Variants in EXOC8 observed in about 807,000 individuals in gnomAD.
EXOC8 encodes exocyst complex component 8, also known as exocyst complex 84 kDa subunit.
EXOC8 carries 19 observed loss-of-function variants against 50.8 expected under a neutral mutation model. The ratio of observed to expected loss-of-function variants is 0.37; its 90% confidence interval spans 0.26 to 0.55. EXOC8 has a LOEUF of 0.55. EXOC8 is among the 20% of genes least tolerant of loss of function. The probability of loss-of-function intolerance (pLI) is 0.80; values close to 1 mark genes in which losing one functional copy is unlikely to be tolerated. For missense variants in EXOC8, 781 were observed against 915.8 expected (o/e 0.85, Z 1.90); for synonymous variants, 384 against 367.9 (o/e 1.04, Z -0.50).
In EXOC8 at chr1:231,337,314, C is replaced by T; in HGVS notation, c.432G>A (p.Gly144=). Residue 144 remains glycine, a synonymous_variant, in exon 1 of 1, where the codon GGG becomes GGA. Transcript: ENST00000366645. The surrounding 1 kb of genome is among the most constrained non-coding windows in gnomAD (Gnocchi z 5.9). ...RGQAGFFSTP[G]GASRDGSGPG... is the part of the protein sequence containing the mutation. The stretch of plus-strand genomic sequence containing the variant: ...GACCGGAGCCGTCGCGGGAGGCACC[C>T]CCGGGGGTGGAGAAAAAGCCGGCCT... The T allele has an allele frequency of 6.2e-7, 1 of 1,603,278 alleles. No individual in the cohort carries two copies. The highest frequency in any genetic ancestry group is 8.5e-7 in the Non-Finnish European group (1 of 1,179,944).
rs1445045459 is a variant in EXOC8 at position 231,336,465 on chromosome 1, G to A, written c.1281C>T (p.Ala427=). 6.2e-7 allele frequency: 1 copy of A among 1,613,840 alleles called. No homozygotes were observed. The highest frequency in any genetic ancestry group is 1.3e-5 in the African/African-American group (1 of 75,048). The change falls in exon 1 of 1, where the codon GCC becomes GCT. Residue 427 remains alanine, a synonymous_variant. Coordinates refer to ENST00000366645, the MANE Select transcript of EXOC8 (RefSeq NM_175876.5). The surrounding 1 kb of genome is among the most constrained non-coding windows in gnomAD (Gnocchi z 5.4). ...QLIRLGQCTK[A]CELFLRNRAA... ...CCCTGTTTCTCAAAAATAGCTCACAGGCCTTCGTGCACTGGCCCAGCCGGA... is the reference window on the plus strand; with the variant it reads ...CCCTGTTTCTCAAAAATAGCTCACAAGCCTTCGTGCACTGGCCCAGCCGGA...
chr1:231,337,308 G>C lies in EXOC8; in HGVS notation c.438C>G (p.Ala146=). The C allele has an allele frequency of 1.9e-6, 3 of 1,603,516 alleles. No individual in the cohort carries two copies. Among genetic ancestry groups the C allele is most frequent in the Non-Finnish European group, 2.5e-6 (3 of 1,179,956 alleles). Residue 146 remains alanine, a synonymous_variant, in exon 1 of 1, where the codon GCC becomes GCG. Transcript: ENST00000366645. The surrounding 1 kb of genome is among the most constrained non-coding windows in gnomAD (Gnocchi z 5.9). ...QAGFFSTPGG[A]SRDGSGPGEE... The stretch of plus-strand genomic sequence containing the variant: ...CGCCTGGACCGGAGCCGTCGCGGGA[G>C]GCACCCCCGGGGGTGGAGAAAAAGC...
chr1:231,335,953 A>T lies in EXOC8; in HGVS notation c.1793T>A (p.Val598Glu). Residue 598 changes from valine (V) to glutamate (E), a missense_variant, in exon 1 of 1, where the codon GTA becomes GAA. Physicochemically the swap from Val to Glu is moderately radical, Grantham distance 121. Around this residue, in one of 3 missense-constraint regions of EXOC8, gnomAD observed 700 missense variants for 804.1 expected, o/e 0.87. Transcript: ENST00000366645. The part of the protein sequence containing the change: ...KLKEEMKSCG[V>E]SNFEQYTGDD... ...CCCTGTGTACTGCTCAAAGTTACTT[A>T]CCCCACAACTTTTCATCTCTTCTTT... is the stretch of plus-strand genomic sequence containing the variant. The T allele has an allele frequency of 6.2e-7, 1 of 1,614,134 alleles. No homozygotes were observed. The highest frequency in any genetic ancestry group is 1.1e-5 in the South Asian group (1 of 91,078).
chr1:231,336,791 C>G lies in EXOC8; in HGVS notation c.955G>C (p.Glu319Gln), dbSNP rs144793875. The G allele has an allele frequency of 3.0e-3, 4,895 of 1,613,874 alleles. 9 individuals carry two copies. Among genetic ancestry groups the G allele is most frequent in the Non-Finnish European group, 3.7e-3 (4,415 of 1,180,006 alleles). ...TCCTCTACCTCAGGAACAGCTGGTT[C>G]TTCTTCTTCGTCATCCTCAAATGGG... is the stretch of plus-strand genomic sequence containing the variant. Reference protein sequence around the residue: ...TNPFEDDEEEEPAVPEVEEEK... With the variant: ...TNPFEDDEEEQPAVPEVEEEK... The change falls in exon 1 of 1, where the codon GAA becomes CAA. Residue 319 changes from glutamate to glutamine, a missense_variant. Physicochemically the swap from Glu to Gln is conservative, Grantham distance 29. Transcript: ENST00000366645. The surrounding 1 kb of genome is among the most constrained non-coding windows in gnomAD (Gnocchi z 5.4).
In EXOC8 at chr1:231,336,053, C is replaced by T; in HGVS notation, c.1693G>A (p.Ala565Thr). The T allele has an allele frequency of 1.2e-6, 2 of 1,614,190 alleles. No homozygotes were observed. Among genetic ancestry groups the T allele is most frequent in the Non-Finnish European group, 1.7e-6 (2 of 1,180,042 alleles). ...LHSYKEIIIE[A>T]TKHRNSEEMW... is the part of the protein sequence containing the mutation. ...TCTTCAGAGTTGCGATGTTTAGTGGCTTCAATGATGATTTCTTTGTAACTG... is the reference window on the plus strand; with the variant it reads ...TCTTCAGAGTTGCGATGTTTAGTGGTTTCAATGATGATTTCTTTGTAACTG... The change falls in exon 1 of 1, where the codon GCC (alanine) becomes ACC (threonine). Residue 565 changes from alanine to threonine, a missense_variant. Physicochemically the swap from Ala to Thr is moderately conservative, Grantham distance 58. Transcript: ENST00000366645. This position sits in a 1 kb window ranked among gnomAD's most constrained non-coding sequence, Gnocchi z 5.4.
chr1:231,335,090 A>C lies in EXOC8; in HGVS notation c.*478T>G, dbSNP rs1686635677. On this transcript the variant is annotated 3_prime_UTR_variant, in exon 1 of 1. Coordinates refer to ENST00000366645, the MANE Select transcript of EXOC8 (RefSeq NM_175876.5). ...CCCCATCTCTACAAAAAATACAAAA[A>C]TTAGCTGGGTATGGTGGTGCCTGCC... is the stretch of plus-strand genomic sequence containing the variant. The C allele has an allele frequency of 6.6e-6, 1 of 152,470 alleles. No homozygotes were observed. Among genetic ancestry groups the C allele is most frequent in the Non-Finnish European group, 1.5e-5 (1 of 68,416 alleles). 9.4% of individuals were successfully genotyped at this position (152,470 alleles called of 1,614,324 possible).
rs1686645896 is a variant in EXOC8, at chr1:231,335,509, ATATAAATAATAT to A, written c.*47_*58del. 6 of 1,337,550 alleles carry A rather than the reference ATATAAATAATAT, an allele frequency of 4.5e-6. No homozygotes were observed. Among genetic ancestry groups the A allele is most frequent in the Non-Finnish European group, 5.8e-6 (6 of 1,032,110 alleles). The allele number at this position is 1,337,550 out of a possible 1,614,324, so 82.9% of individuals were successfully genotyped here. On this transcript the variant is annotated 3_prime_UTR_variant, in exon 1 of 1. Coordinates refer to ENST00000366645, the MANE Select transcript of EXOC8 (RefSeq NM_175876.5). Reference sequence around the variant, plus strand: ...AGTATGCTAATACAACTTAATATAAATATAAATAATATATAAGCTCTCTCTCTGCATATATAC... The same window carrying A: ...AGTATGCTAATACAACTTAATATAAAATAAGCTCTCTCTCTGCATATATAC...
In EXOC8 at chr1:231,337,213, G is replaced by A. The variant is rs780338684; in HGVS notation, c.533C>T (p.Thr178Met). The part of the protein sequence containing the change: ...KVEGCRHLLE[T>M]PGQYLVYNGD... ...ATTGTACACCAAGTACTGTCCCGGC[G>A]TCTCCAGCAGATGCCTGCAGCCTTC... The change falls in exon 1 of 1, where the codon ACG becomes ATG. Residue 178 changes from threonine (T) to methionine (M), a missense_variant. This residue lies in a region of EXOC8 where 700 missense variants were observed against 804.1 expected (regional missense o/e 0.87). Coordinates refer to ENST00000366645, the MANE Select transcript of EXOC8 (RefSeq NM_175876.5). This position sits in a 1 kb window ranked among gnomAD's most constrained non-coding sequence, Gnocchi z 5.9. The A allele has an allele frequency of 1.2e-6, 2 of 1,613,816 alleles. No homozygotes were observed. The highest frequency in any genetic ancestry group is 4.5e-5 in the East Asian group (2 of 44,874).
chr1:231,336,105 C>T lies in EXOC8; in HGVS notation c.1641G>A (p.Leu547=). 1.9e-6 allele frequency: 3 copies of T among 1,614,162 alleles called. No individual in the cohort carries two copies. The highest frequency in any genetic ancestry group is 2.5e-6 in the Non-Finnish European group (3 of 1,180,028). The change falls in exon 1 of 1, where the codon CTG becomes CTA. Residue 547 remains leucine (L), a synonymous_variant. Transcript: ENST00000366645. The surrounding 1 kb of genome is among the most constrained non-coding windows in gnomAD (Gnocchi z 5.4). ...LDLTFIIHAL[L]VKDIQGALHS... ...GCAAGGCCCCTTGGATGTCTTTCAC[C>T]AGAAGGGCATGGATGATGAAGGTGA... is the stretch of plus-strand genomic sequence containing the variant.
Position 231,335,778 on chromosome 1 carries a change from C to A in EXOC8, c.1968G>T (p.Gln656His). ...SLVEIILVAVQHVDYSLRCEQ... is the reference protein window; with the variant it reads ...SLVEIILVAVHHVDYSLRCEQ... ...CACATCGAAGACTATAATCCACATGCTGAACAGCAACCAAAATGATTTCCA... is the reference window on the plus strand; with the variant it reads ...CACATCGAAGACTATAATCCACATGATGAACAGCAACCAAAATGATTTCCA... The change falls in exon 1 of 1, where the codon CAG becomes CAT. Residue 656 changes from glutamine (Q) to histidine (H), a missense_variant. By Grantham distance (24) the Gln-to-His change is conservative (BLOSUM62 0). Coordinates refer to ENST00000366645, the MANE Select transcript of EXOC8 (RefSeq NM_175876.5). 6.2e-7 allele frequency: 1 copy of A among 1,614,150 alleles called. No homozygotes were observed. Among genetic ancestry groups the A allele is most frequent in the Non-Finnish European group, 8.5e-7 (1 of 1,180,022 alleles).
At position 231,337,361 on chromosome 1, in the gene EXOC8, C is replaced by G. The variant is rs766695596; in HGVS notation, c.385G>C (p.Gly129Arg). 2.2e-5 allele frequency: 36 copies of G among 1,601,950 alleles called. No homozygotes were observed. Among genetic ancestry groups the G allele is most frequent in the Non-Finnish European group, 2.5e-6 (3 of 1,179,604 alleles). ...GGEEGVGGAGGRDHLRGQAGF... is the reference protein window; with the variant it reads ...GGEEGVGGAGRRDHLRGQAGF... ...GCCTGGCCTCGGAGGTGGTCTCGGC[C>G]CCCCGCCCCACCGACTCCCTCCTCC... The change falls in exon 1 of 1, where the codon GGC becomes CGC. Residue 129 changes from glycine to arginine, a missense_variant. Physicochemically the swap from Gly to Arg is moderately radical, Grantham distance 125. Around this residue, in one of 3 missense-constraint regions of EXOC8, gnomAD observed 700 missense variants for 804.1 expected, o/e 0.87. Coordinates refer to ENST00000366645, the MANE Select transcript of EXOC8 (RefSeq NM_175876.5). The surrounding 1 kb of genome is among the most constrained non-coding windows in gnomAD (Gnocchi z 5.9).
In EXOC8 at chr1:231,337,815, C is replaced by G. The variant is rs1686721977; in HGVS notation, c.-70G>C. 6.6e-7 allele frequency: 1 copy of G among 1,511,948 alleles called. No individual in the cohort carries two copies. The highest frequency in any genetic ancestry group is 1.3e-5 in the South Asian group (1 of 75,358). The allele number at this position is 1,511,948 out of a possible 1,614,324, so 93.7% of individuals were successfully genotyped here. On this transcript the variant is annotated 5_prime_UTR_variant, in exon 1 of 1. Coordinates refer to ENST00000366645, the MANE Select transcript of EXOC8 (RefSeq NM_175876.5). This position sits in a 1 kb window ranked among gnomAD's most constrained non-coding sequence, Gnocchi z 5.9. Reference sequence around the variant, plus strand: ...GCCGCCGCGGCTGTCTAGACCCACCCAAGGCCAACCGAGCTCCTGGGCTGA... The same window carrying G: ...GCCGCCGCGGCTGTCTAGACCCACCGAAGGCCAACCGAGCTCCTGGGCTGA...
Position 231,334,014 on chromosome 1 carries a change from T to A in EXOC8, c.*1554A>T, listed in dbSNP as rs1160253607. 1 of 152,192 alleles carries A rather than the reference T, an allele frequency of 6.6e-6. No homozygotes were observed. The highest frequency in any genetic ancestry group is 1.5e-5 in the Non-Finnish European group (1 of 68,022). The allele number at this position is 152,192 out of a possible 1,614,324, so 9.4% of individuals were successfully genotyped here. On this transcript the variant is annotated 3_prime_UTR_variant, in exon 1 of 1. Transcript: ENST00000366645. Reference sequence around the variant, plus strand: ...AAAATGGATCACAGCAAGCACAGTTTCCCTCAAAGAATAAGGAACGCTATA... The same window carrying A: ...AAAATGGATCACAGCAAGCACAGTTACCCTCAAAGAATAAGGAACGCTATA...
Position 231,335,464 on chromosome 1 carries a change from A to G in EXOC8, c.*104T>C. 9.1e-7 allele frequency: 1 copy of G among 1,099,272 alleles called. No individual in the cohort carries two copies. The highest frequency in any genetic ancestry group is 1.2e-6 in the Non-Finnish European group (1 of 847,988). 68.1% of individuals were successfully genotyped at this position (1,099,272 alleles called of 1,614,324 possible). ...TTTAAGAGGGCACTTTTAATTTTCA[A>G]GTTGTGTTTGAAACTATAGAGTATG... On this transcript the variant is annotated 3_prime_UTR_variant, in exon 1 of 1. Coordinates refer to ENST00000366645, the MANE Select transcript of EXOC8 (RefSeq NM_175876.5).
In EXOC8 at chr1:231,336,161, A is replaced by C; in HGVS notation, c.1585T>G (p.Cys529Gly). 6.2e-7 allele frequency: 1 copy of C among 1,614,184 alleles called. No individual in the cohort carries two copies. The highest frequency in any genetic ancestry group is 8.5e-7 in the Non-Finnish European group (1 of 1,180,036). Residue 529 changes from cysteine to glycine, a missense_variant, in exon 1 of 1, where the codon TGC (cysteine) becomes GGC (glycine). Transcript: ENST00000366645. The surrounding 1 kb of genome is among the most constrained non-coding windows in gnomAD (Gnocchi z 5.4). ...AECVKVAKEHCQQLGDIGLDL... is the reference protein window; with the variant it reads ...AECVKVAKEHGQQLGDIGLDL... ...AGTCCGATATCACCCAGTTGCTGGC[A>C]ATGCTCCTTAGCCACTTTTACACAC...
chr1:231,335,320 GAAGAA>G lies in EXOC8; in HGVS notation c.*243_*247del. 3.4e-6 allele frequency: 1 copy of G among 292,466 alleles called. No individual in the cohort carries two copies. Among genetic ancestry groups the G allele is most frequent in the Admixed American group, 4.5e-5 (1 of 22,040 alleles). 18.1% of individuals were successfully genotyped at this position (292,466 alleles called of 1,614,324 possible). On this transcript the variant is annotated 3_prime_UTR_variant, in exon 1 of 1. Coordinates refer to ENST00000366645, the MANE Select transcript of EXOC8 (RefSeq NM_175876.5). ...AGTATATAGTGTGACCATAATTTCA[GAAGAA>G]GAGAATTAGCATAATTTAAAAGGAT...
rs1186707457 is a variant in EXOC8 at position 231,336,565 on chromosome 1, A to T, written c.1181T>A (p.Leu394Gln). ...EERVRQLTEV[L>Q]VFELSPDRSL... The stretch of plus-strand genomic sequence containing the variant: ...ACGATCTGGGGAGAGTTCGAAAACT[A>T]GCACCTCAGTGAGCTGTCGAACTCG... Residue 394 changes from leucine to glutamine, a missense_variant, in exon 1 of 1, where the codon CTA becomes CAA. This residue lies in a region of EXOC8 where 700 missense variants were observed against 804.1 expected (regional missense o/e 0.87). Transcript: ENST00000366645. The surrounding 1 kb of genome is among the most constrained non-coding windows in gnomAD (Gnocchi z 5.4). 6.2e-7 allele frequency: 1 copy of T among 1,613,996 alleles called. No homozygotes were observed. Among genetic ancestry groups the T allele is most frequent in the African/African-American group, 1.3e-5 (1 of 74,902 alleles).
Position 231,337,118 on chromosome 1 carries a change from C to A in EXOC8, c.628G>T (p.Asp210Tyr). The change falls in exon 1 of 1, where the codon GAT (aspartate) becomes TAT (tyrosine). Residue 210 changes from aspartate (D) to tyrosine (Y), a missense_variant. Transcript: ENST00000366645. The surrounding 1 kb of genome is among the most constrained non-coding windows in gnomAD (Gnocchi z 5.9). ...AGCCAGGTAGCCACCAACAAGCAATCGTTCATGAGAAAGCCGTGCACCCGC... is the reference window on the plus strand; with the variant it reads ...AGCCAGGTAGCCACCAACAAGCAATAGTTCATGAGAAAGCCGTGCACCCGC... ...LQRVHGFLMN[D>Y]CLLVATWLPQ... is the part of the protein sequence containing the mutation. The A allele has an allele frequency of 6.2e-7, 1 of 1,614,148 alleles. No individual in the cohort carries two copies. The highest frequency in any genetic ancestry group is 8.5e-7 in the Non-Finnish European group (1 of 1,180,036).
rs1263039476 is a variant in EXOC8 at position 231,332,883 on chromosome 1, C to A, written c.*2685G>T. The A allele has an allele frequency of 6.6e-6, 1 of 152,122 alleles. No homozygotes were observed. Among genetic ancestry groups the A allele is most frequent in the Non-Finnish European group, 1.5e-5 (1 of 68,016 alleles). 9.4% of individuals were successfully genotyped at this position (152,122 alleles called of 1,614,324 possible). On this transcript the variant is annotated 3_prime_UTR_variant, in exon 1 of 1. Transcript: ENST00000366645. ...ACATGTCATGTCCCAAATTCCCAAT[C>A]CTAGGTAAGATATCAAGTTACAAAA...
Sources: allele counts gnomAD v4.1 joint callset, GRCh38; gene constraint gnomAD v4.1.1; regional missense constraint gnomAD v4.1.1; non-coding constraint Gnocchi (gnomAD v3.1); transcripts MANE v1.5; gene names NCBI Gene and HGNC (gene_info 2026-07-23, HGNC 2026-07-21).